AGBL4: variants seen among roughly 807,000 people sequenced by gnomAD.
AGBL4 encodes cytosolic carboxypeptidase 6.
Under a neutral mutation model 66.4 loss-of-function variants are expected in AGBL4, and 58 were observed. The ratio of observed to expected loss-of-function variants is 0.87; its 90% confidence interval spans 0.71 to 1.09. The LOEUF (loss-of-function observed/expected upper bound fraction) is 1.09, where lower values mean the gene tolerates loss of function less well. Among genes scored for constraint, AGBL4 ranks in the 50% least tolerant of loss-of-function variants. AGBL4 has a pLI of 0.00. For synonymous variants in AGBL4, 234 were observed against 222.9 expected, an observed-to-expected ratio of 1.05 and a Z score of -0.44; for missense variants, 579 against 631.0, an observed-to-expected ratio of 0.92 and a Z score of 0.88.
At chr1:49,167,932 C>G (rs1423452248) in intron 4 of AGBL4, among the ~76,000 whole-genome samples, 1 of 152,096 alleles carries the variant, frequency 6.6e-6, no homozygotes. Context: ...ATAAAAATAA[C>G]AATACAACAA....
intron 6 of AGBL4, among the ~76,000 whole-genome samples, chr1:48,714,275 T>C (rs1297720638): frequency 6.6e-6 from 1 of 152,094 alleles, no homozygotes; most frequent in African/African-American, 2.4e-5. Context: ...AGGATTCCTA[T>C]CAGAACAAAT....
intron 6 of AGBL4, 21 bp from the exon 7 acceptor site, chr1:48,663,262 T>C (rs766763954): frequency 3.1e-6 from 5 of 1,613,416 alleles, no homozygotes; most frequent in Middle Eastern, 3.3e-4. Context: ...AAATGAAAGA[T>C]GGTTGCTAAG....
chr1:48,534,398 A>G, intron 13 of AGBL4, 105 bp from the exon 14 acceptor site: 2 of 1,395,988 alleles, frequency 1.4e-6, no homozygotes, highest in Non-Finnish European at 1.9e-6. Context: ...GTAGCCTCCC[A>G]GGAACAGTAA....
intron 3 of AGBL4, among the ~76,000 whole-genome samples, chr1:49,496,364 C>T (rs987482169): frequency 3.4e-4 from 51 of 151,810 alleles, no homozygotes; most frequent in African/African-American, 1.2e-3. Context: ...CAAAGCCTCA[C>T]GTACTTATTT....
intron 4 of AGBL4, among the ~76,000 whole-genome samples, chr1:49,167,483 T>C (rs1044740494): frequency 2.0e-5 from 3 of 152,204 alleles, no homozygotes; most frequent in Admixed American, 6.5e-5. Context: ...CAAAGAAGGC[T>C]GGCCTCATGA....
At chr1:49,814,085 A>G (rs1645174091) in intron 2 of AGBL4, among the ~76,000 whole-genome samples, 1 of 152,114 alleles carries the variant, frequency 6.6e-6, no homozygotes, top group South Asian at 2.1e-4. Flanking sequence ...CTCCCCAGCC[A>G]TGTGGAACCA....
intron 4 of AGBL4, among the ~76,000 whole-genome samples, chr1:49,218,275 G>A (rs933067067): frequency 2.0e-5 from 3 of 152,076 alleles, no homozygotes; most frequent in Non-Finnish European, 4.4e-5. Context: ...CAAGACATTG[G>A]CAAATGTGGG....
chr1:49,375,203 GCCCTTAA>G (rs1644447460), intron 3 of AGBL4, among the ~76,000 whole-genome samples: 1 of 152,056 alleles, frequency 6.6e-6, no homozygotes, highest in Non-Finnish European at 1.5e-5. Flanking sequence ...CATGATACCT[GCCCTTAA>G]GAAGGTTGTC....
chr1:49,839,184 T>C lies in AGBL4; in HGVS notation c.157+12212A>G, dbSNP rs1645927134. ...AGAAAAATATATACCAGTAGATACA[T>C]AACTGTTATATCAAAATATAATTCA... On this transcript the variant is annotated intron_variant, in intron 2 of 13. Transcript: ENST00000371839. 2.0e-5 allele frequency among the ~76,000 whole-genome samples: 3 copies of C among 152,354 alleles called. No individual in the cohort carries two copies. In the South Asian group the frequency reaches 6.2e-4, roughly 32 times the overall value.
intron 3 of AGBL4, among the ~76,000 whole-genome samples, chr1:49,538,338 A>G (rs919420118): frequency 6.6e-6 from 1 of 152,234 alleles, no homozygotes; most frequent in African/African-American, 2.4e-5. Context: ...GCATCTTCTC[A>G]TCTATAAATT....
At chr1:49,865,984 C>T (rs756087916) in intron 1 of AGBL4, 5 of 354,716 alleles carry the variant, frequency 1.4e-5, no homozygotes, top group South Asian at 2.3e-5. Context: ...AACAACCTAA[C>T]AGACCAAGCT....
At chr1:49,221,091 A>T (rs1259588623) in intron 4 of AGBL4, among the ~76,000 whole-genome samples, 1 of 152,166 alleles carries the variant, frequency 6.6e-6, no homozygotes, top group African/African-American at 2.4e-5. Context: ...AAACTTAGGG[A>T]AGTATCTAGA....
intron 1 of AGBL4, among the ~76,000 whole-genome samples, chr1:49,972,139 G>T (rs1284662316): frequency 1.3e-5 from 2 of 151,258 alleles, no homozygotes; most frequent in Admixed American, 6.6e-5. Context: ...GGATGGTCTC[G>T]ATCTCCTGAC....
At chr1:48,703,095 A>G (rs1646827989) in intron 6 of AGBL4, among the ~76,000 whole-genome samples, 2 of 152,250 alleles carry the variant, frequency 1.3e-5, no homozygotes, top group South Asian at 4.1e-4. Context: ...GATACACTAC[A>G]GCAAAAAGGA....
At chr1:49,516,844 C>T (rs1382990716) in intron 3 of AGBL4, among the ~76,000 whole-genome samples, 3 of 152,006 alleles carry the variant, frequency 2.0e-5, no homozygotes, top group Non-Finnish European at 4.4e-5. Context: ...GACTCTCACT[C>T]TGTTAGGCAT....
chr1:49,026,578 A>C (rs1663715284), intron 5 of AGBL4, among the ~76,000 whole-genome samples: 1 of 152,202 alleles, frequency 6.6e-6, no homozygotes, highest in Non-Finnish European at 1.5e-5. Context: ...GCAGTTAGTC[A>C]ATATACAGTC....
At chr1:49,982,889 T>C (rs1398645606) in intron 1 of AGBL4, among the ~76,000 whole-genome samples, 1 of 151,974 alleles carries the variant, frequency 6.6e-6, no homozygotes, top group Non-Finnish European at 1.5e-5. Context: ...TGAGAGACAT[T>C]GGGGCAAACA....
intron 3 of AGBL4, among the ~76,000 whole-genome samples, chr1:49,423,789 G>A (rs894442618): frequency 5.5e-5 from 8 of 144,696 alleles, no homozygotes; most frequent in African/African-American, 1.8e-4. Flanking sequence ...TCCAGCCTGG[G>A]TGACAGAGTA....
chr1:49,319,799 A>T (rs1645100296), intron 3 of AGBL4, among the ~76,000 whole-genome samples: 2 of 152,250 alleles, frequency 1.3e-5, no homozygotes, highest in Admixed American at 6.5e-5. Flanking sequence ...GGAAGAAGAC[A>T]GAGAAAGAGG....
Sources: allele counts gnomAD v4.1 joint callset (sites outside exome capture counted in the v4.1 genomes callset), GRCh38; gene constraint gnomAD v4.1.1; transcripts MANE v1.5; gene names NCBI Gene and HGNC (gene_info 2026-07-23, HGNC 2026-07-21).